The following MAP2 variants were observed in gnomAD, a reference collection of about 807,000 sequenced individuals.
MAP2 encodes the protein microtubule-associated protein 2.
In MAP2, 14 loss-of-function variants were observed where a neutral mutation model predicts 137.6. The ratio of observed to expected loss-of-function variants is 0.10; its 90% CI spans 0.07 to 0.16. The LOEUF is 0.16. MAP2 is among the 10% of genes least tolerant of loss of function. The probability of loss-of-function intolerance (pLI) is 1.00; values close to 1 mark genes in which losing one functional copy is unlikely to be tolerated. For missense variants in MAP2, 2,088 were observed against 2,191.5 expected (o/e 0.95, Z 0.94); for synonymous variants, 786 against 782.3 (o/e 1.00, Z -0.08).
chr2:209,502,011 G>GAT (rs34921243), intron 1 of MAP2, among the ~76,000 whole-genome samples: 2,628 of 151,456 alleles, frequency 0.017, 78 homozygotes, highest in African/African-American at 0.059. Flanking sequence ...AACATGTTTT[G>GAT]ATATATATAT....
chr2:209,435,948 T>TATATATACTGTATATATTATATATA (rs1559159086), intron 1 of MAP2, among the ~76,000 whole-genome samples: 8 of 56,108 alleles, frequency 1.4e-4, no homozygotes, highest in Non-Finnish European at 3.1e-4. Flanking sequence ...TAATATATAC[T>TATATATACTGTATATATTATATATA]ATATATACAG....
At position 209,541,437 on chromosome 2, in the gene MAP2, G is replaced by A. The variant is rs1396181986; in HGVS notation, c.-172+33796G>A. ...CAGGGTGGTGGTTTCTGAAGGTTAG[G>A]TTGACTGTGGCAGTTTCTTAAAATA... On this transcript the variant is annotated intron_variant, in intron 2 of 15. Transcript: ENST00000682079. 3.3e-5 allele frequency among the ~76,000 whole-genome samples: 5 copies of A among 151,156 alleles called. 1 individual carries two copies. Among genetic ancestry groups the A allele is most frequent in the African/African-American group, 1.2e-4 (5 of 40,478 alleles).
chr2:209,529,411 A>C (rs1162467173), intron 2 of MAP2, among the ~76,000 whole-genome samples: 1 of 152,186 alleles, frequency 6.6e-6, no homozygotes, highest in Non-Finnish European at 1.5e-5. Context: ...TTTGATGAAG[A>C]GATGGTAACT....
Position 209,653,419 on chromosome 2 carries a change from CA to C in MAP2, c.250del (p.Arg84GlufsTer11), listed in dbSNP as rs2094931220. On this transcript the variant is annotated frameshift_variant, in exon 5 of 16. Transcript: ENST00000682079. LOFTEE classifies it high-confidence loss of function. ...TCAACGGAGAGCTGACCTCAGCTGA[CA>C]GAGAAACAGCAGGTAACTAAGGGCT... ...GINGELTSAD[R>X]ETAEEVSARI... The C allele has an allele frequency of 6.3e-7, 1 of 1,599,566 alleles. No homozygotes were observed. The highest frequency in any genetic ancestry group is 8.5e-7 in the Non-Finnish European group (1 of 1,171,828).
rs144699107 is a variant in MAP2 at position 209,692,841 on chromosome 2, C to T, written c.671C>T (p.Ala224Val). The change falls in exon 8 of 16, where the codon GCT becomes GTT. Residue 224 changes from alanine to valine, a missense_variant. By Grantham distance (64) the Ala-to-Val change is moderately conservative. Coordinates refer to ENST00000682079, the MANE Select transcript of MAP2 (RefSeq NM_001375505.1). ...ACGGAAGAAGAAAAAGCACCCCTAG[C>T]TTTGTTTGGGCACACTCTTGTTGCC... Reference protein sequence around the residue: ...QGTEEEKAPLALFGHTLVASL... With the variant: ...QGTEEEKAPLVLFGHTLVASL... 1,344 of 1,612,950 alleles carry T rather than the reference C, an allele frequency of 8.3e-4. 3 individuals are homozygous for T. The highest frequency in any genetic ancestry group is 1.1e-3 in the Non-Finnish European group (1,303 of 1,179,742).
chr2:209,657,946 G>A (rs553186590), intron 5 of MAP2, among the ~76,000 whole-genome samples: 151 of 152,200 alleles, frequency 9.9e-4, no homozygotes, highest in Middle Eastern at 6.8e-3. Flanking sequence ...TTTCCAAAGC[G>A]TAAATAATAA....
intron 2 of MAP2, among the ~76,000 whole-genome samples, chr2:209,575,469 C>G (rs1354435164): frequency 7.6e-6 from 1 of 132,048 alleles, no homozygotes; most frequent in East Asian, 2.2e-4. Context: ...TGCAGTGAGC[C>G]GAGATCGCGC....
chr2:209,711,629 ATTC>A (rs2065507037), intron 13 of MAP2, among the ~76,000 whole-genome samples: 1 of 152,214 alleles, frequency 6.6e-6, no homozygotes, highest in Non-Finnish European at 1.5e-5. Context: ...AACTCAAACT[ATTC>A]TTGCGTTCAT....
chr2:209,474,897 T>A (rs759221769), intron 1 of MAP2, among the ~76,000 whole-genome samples: 4 of 152,068 alleles, frequency 2.6e-5, no homozygotes, highest in Non-Finnish European at 4.4e-5. Context: ...CTGAATCCAA[T>A]TTGGTCAGGA....
chr2:209,482,329 A>T (rs553450476), intron 1 of MAP2, among the ~76,000 whole-genome samples: 1 of 152,294 alleles, frequency 6.6e-6, no homozygotes, highest in East Asian at 1.9e-4. Flanking sequence ...AACTGTGCTG[A>T]TTTAAAAAAA....
At chr2:209,534,076 A>C (rs959620892) in intron 2 of MAP2, among the ~76,000 whole-genome samples, 9 of 152,200 alleles carry the variant, frequency 5.9e-5, no homozygotes, top group Non-Finnish European at 1.5e-5. Flanking sequence ...AAGACCTGCC[A>C]AAGTGCTCAG....
chr2:209,660,701 A>AAGT, intron 5 of MAP2, among the ~76,000 whole-genome samples: 1 of 104,438 alleles, frequency 9.6e-6, no homozygotes, highest in East Asian at 2.9e-4. Flanking sequence ...GGCCTGCTGC[A>AAGT]ATTATTATTA....
chr2:209,566,236 C>T (rs1409492633), intron 2 of MAP2, among the ~76,000 whole-genome samples: 2 of 152,210 alleles, frequency 1.3e-5, no homozygotes, highest in Non-Finnish European at 2.9e-5. Context: ...AATATATCCT[C>T]TGTCACGGAC....
At chr2:209,450,619 A>G (rs1700095009) in intron 1 of MAP2, among the ~76,000 whole-genome samples, 1 of 152,234 alleles carries the variant, frequency 6.6e-6, no homozygotes, top group East Asian at 1.9e-4. Flanking sequence ...TATGCTCCTC[A>G]GAATGTCTGT....
chr2:209,719,517 A>T (rs1462971038), intron 13 of MAP2, among the ~76,000 whole-genome samples: 1 of 151,910 alleles, frequency 6.6e-6, no homozygotes, highest in African/African-American at 2.4e-5. Context: ...AGTAAGAGAG[A>T]TGTTTTTTTC....
At chr2:209,718,278 C>T (rs1268572951) in intron 13 of MAP2, among the ~76,000 whole-genome samples, 1 of 152,086 alleles carries the variant, frequency 6.6e-6, no homozygotes, top group Non-Finnish European at 1.5e-5. Context: ...CAAACAAAGA[C>T]ACAGGAACTA....
At chr2:209,503,362 C>G (rs288061) in intron 1 of MAP2, among the ~76,000 whole-genome samples, 2,681 of 152,082 alleles carry the variant, frequency 0.018, 83 homozygotes, top group African/African-American at 0.062. Context: ...CTCCCATTCT[C>G]TAGGTTACCT....
intron 13 of MAP2, among the ~76,000 whole-genome samples, chr2:209,717,359 G>C (rs2068103747): frequency 6.6e-6 from 1 of 152,094 alleles, no homozygotes; most frequent in Non-Finnish European, 1.5e-5. Flanking sequence ...TCACCGTCTT[G>C]AGAACAGCAA....
intron 2 of MAP2, among the ~76,000 whole-genome samples, chr2:209,543,448 G>A (rs2067407671): frequency 3.9e-5 from 6 of 152,202 alleles, no homozygotes; most frequent in Admixed American, 2.6e-4. Context: ...GATGGACTTG[G>A]TCAATGAGTT....
Sources: allele counts gnomAD v4.1 joint callset (sites outside exome capture counted in the v4.1 genomes callset), GRCh38; gene constraint gnomAD v4.1.1; transcripts MANE v1.5; gene names NCBI Gene and HGNC (gene_info 2026-07-23, HGNC 2026-07-21).